UNK: variants seen among roughly 807,000 people sequenced by gnomAD.
UNK encodes the protein unk zinc finger, also known as RING finger protein unkempt homolog.
In UNK, 32 loss-of-function variants were observed where a neutral mutation model predicts 97.6. That is an observed-to-expected ratio of 0.33 (90% CI 0.25 to 0.44). The LOEUF is 0.44. UNK is among the 20% of genes least tolerant of loss of function. UNK has a pLI of 1.00. For synonymous variants in UNK, 441 were observed against 461.2 expected (o/e 0.96, Z 0.56); for missense variants, 771 against 1,098.4 (o/e 0.70, Z 4.21).
intron 1 of UNK, among the ~76,000 whole-genome samples, chr17:75,808,633 G>T (rs2061940407): frequency 6.6e-6 from 1 of 151,834 alleles, no homozygotes; most frequent in Non-Finnish European, 1.5e-5. Flanking sequence ...CCCTTTTTTG[G>T]ATTGACTTCT....
Position 75,818,255 on chromosome 17 carries a change from C to T in UNK, c.1371+87C>T. The T allele has an allele frequency of 6.9e-7, 1 of 1,459,226 alleles. No homozygotes were observed. The highest frequency in any genetic ancestry group is 1.4e-5 in the African/African-American group (1 of 71,414). 90.4% of individuals were successfully genotyped at this position (1,459,226 alleles called of 1,614,324 possible). ...GGAGGCTTCGGGGAGTGGGAGGCACCACTTTTCCCAAAAGCTGAGGGCAGG... is the reference window on the plus strand; with the variant it reads ...GGAGGCTTCGGGGAGTGGGAGGCACTACTTTTCCCAAAAGCTGAGGGCAGG... On this transcript the variant is annotated intron_variant, in intron 10 of 15. Transcript: ENST00000589666. The surrounding 1 kb of genome is among the most constrained non-coding windows in gnomAD (Gnocchi z 5.1).
intron 13 of UNK, 76 bp downstream of exon 13, chr17:75,820,184 A>G: frequency 6.9e-7 from 1 of 1,450,044 alleles, no homozygotes; most frequent in Non-Finnish European, 9.4e-7. Context: ...TGGCCACCCC[A>G]TCTACGGCAT....
At chr17:75,804,989 C>T (rs543317720) in intron 1 of UNK, among the ~76,000 whole-genome samples, 11 of 151,388 alleles carry the variant, frequency 7.3e-5, no homozygotes, top group South Asian at 4.2e-4. Context: ...GTCAGGAGAT[C>T]GAGACCACAG....
Position 75,805,809 on chromosome 17 carries a change from A to ATGTGTGTGT in UNK, c.105-3951_105-3950insTGTGTGTGT, listed in dbSNP as rs1567800919. Among the ~76,000 whole-genome samples, 761 of 96,482 alleles carry ATGTGTGTGT rather than the reference A, an allele frequency of 7.9e-3. 6 individuals carry two copies. The highest frequency in any genetic ancestry group is 0.045 in the African/African-American group (738 of 16,274). 63.3% of individuals were successfully genotyped at this position (96,482 alleles called of 152,430 possible). The stretch of plus-strand genomic sequence containing the variant: ...CGAGCCCCTGCCTTATAAAAAGAAA[A>ATGTGTGTGT]ATGTGTGTGTGTGTGTGTGTGTGTG... On this transcript the variant is annotated intron_variant, in intron 1 of 15. Coordinates refer to ENST00000589666, the MANE Select transcript of UNK (RefSeq NM_001080419.3).
At chr17:75,786,869 A>G (rs897417989) in intron 1 of UNK, among the ~76,000 whole-genome samples, 4 of 152,104 alleles carry the variant, frequency 2.6e-5, no homozygotes, top group African/African-American at 9.7e-5. Context: ...AAAAACAGAA[A>G]CAAAAACAAA....
chr17:75,818,231 G>C lies in UNK; in HGVS notation c.1371+63G>C. ...GGACAGGAGTGGCCCAGAACCCCAG[G>C]AGGCTTCGGGGAGTGGGAGGCACCA... On this transcript the variant is annotated intron_variant, in intron 10 of 15. Coordinates refer to ENST00000589666, the MANE Select transcript of UNK (RefSeq NM_001080419.3). The surrounding 1 kb of genome is among the most constrained non-coding windows in gnomAD (Gnocchi z 5.1). 2 of 1,581,768 alleles carry C rather than the reference G, an allele frequency of 1.3e-6. No homozygotes were observed. Among genetic ancestry groups the C allele is most frequent in the Non-Finnish European group, 8.7e-7 (1 of 1,156,008 alleles).
At position 75,813,745 on chromosome 17, in the gene UNK, C is replaced by T. The variant is rs901087661; in HGVS notation, c.759-16C>T. 3.2e-6 allele frequency: 5 copies of T among 1,561,286 alleles called. No homozygotes were observed. The highest frequency in any genetic ancestry group is 2.7e-5 in the African/African-American group (2 of 73,624). ...CTTCTCCTTTCTCCATCTGACCCCA[C>T]CCTCTTGTTGGCCAGGTCGTCTCCA... On this transcript the variant is annotated splice_polypyrimidine_tract_variant and intron_variant, in intron 5 of 15. Transcript: ENST00000589666.
At position 75,816,683 on chromosome 17, in the gene UNK, G is replaced by A; in HGVS notation, c.962-87G>A. ...CTTCCCTTTATGTGCAGGGGGATTT[G>A]TGGTCTCCTTTGGAAGGGACCCAGG... On this transcript the variant is annotated intron_variant, in intron 7 of 15. Transcript: ENST00000589666. The surrounding 1 kb of genome is among the most constrained non-coding windows in gnomAD (Gnocchi z 4.0). The A allele has an allele frequency of 6.9e-7, 1 of 1,454,310 alleles. No homozygotes were observed. Among genetic ancestry groups the A allele is most frequent in the Non-Finnish European group, 9.1e-7 (1 of 1,098,488 alleles). 90.1% of individuals were successfully genotyped at this position (1,454,310 alleles called of 1,614,324 possible).
rs2062037442 is a variant in UNK at position 75,818,562 on chromosome 17, C to T, written c.1372-80C>T. The T allele has an allele frequency of 5.4e-6, 8 of 1,480,136 alleles. No homozygotes were observed. Among genetic ancestry groups the T allele is most frequent in the Admixed American group, 2.1e-5 (1 of 46,718 alleles). 91.7% of individuals were successfully genotyped at this position (1,480,136 alleles called of 1,614,324 possible). A position where few individuals can be genotyped will look rare whatever the true frequency, so the allele number is the denominator to read the frequency against. On this transcript the variant is annotated intron_variant, in intron 10 of 15. Coordinates refer to ENST00000589666, the MANE Select transcript of UNK (RefSeq NM_001080419.3). The surrounding 1 kb of genome is among the most constrained non-coding windows in gnomAD (Gnocchi z 5.1). ...GCTAGCACGGGCCATTTCCCTTGCC[C>T]CCAGCCCCTCTCCAGCCTCTCGTCC...
chr17:75,818,302 C>A lies in UNK; in HGVS notation c.1371+134C>A. 2 of 1,019,240 alleles carry A rather than the reference C, an allele frequency of 2.0e-6. No homozygotes were observed. Among genetic ancestry groups the A allele is most frequent in the Non-Finnish European group, 1.4e-6 (1 of 691,478 alleles). The allele number at this position is 1,019,240 out of a possible 1,614,324, so 63.1% of individuals were successfully genotyped here. A position where few individuals can be genotyped will look rare whatever the true frequency, so the allele number is the denominator to read the frequency against. ...CAGGACTAAAGTGGGGTCCCAGCCA[C>A]AAATCCAGAGAGGGTAGGGGGTCAG... On this transcript the variant is annotated intron_variant, in intron 10 of 15. Coordinates refer to ENST00000589666, the MANE Select transcript of UNK (RefSeq NM_001080419.3). The surrounding 1 kb of genome is among the most constrained non-coding windows in gnomAD (Gnocchi z 5.1).
At chr17:75,787,701 T>C (rs2143660001) in intron 1 of UNK, among the ~76,000 whole-genome samples, 1 of 151,854 alleles carries the variant, frequency 6.6e-6, no homozygotes, top group African/African-American at 2.4e-5. Context: ...GGCACACACC[T>C]GCAGTCCCAG....
chr17:75,796,231 G>A (rs1292475358), intron 1 of UNK, among the ~76,000 whole-genome samples: 1 of 151,744 alleles, frequency 6.6e-6, no homozygotes, highest in African/African-American at 2.4e-5. Flanking sequence ...CTGCCAGAGA[G>A]AATATTCTAA....
At chr17:75,823,175 C>T (rs952652492) in intron 14 of UNK, 90 bp from the exon 15 acceptor site, 19 of 1,497,846 alleles carry the variant, frequency 1.3e-5, no homozygotes, top group East Asian at 2.3e-5. Context: ...CACCAGGCCT[C>T]GCAGCCAGAG....
intron 1 of UNK, among the ~76,000 whole-genome samples, chr17:75,799,904 AG>A (rs1193503591): frequency 6.6e-6 from 1 of 152,144 alleles, no homozygotes; most frequent in African/African-American, 2.4e-5. Flanking sequence ...GGATAGCTAG[AG>A]CCCAGGAGTT....
chr17:75,793,395 T>G, intron 1 of UNK: 1 of 984,310 alleles, frequency 1.0e-6, no homozygotes, highest in Non-Finnish European at 1.2e-6. Context: ...AACTTTTTAT[T>G]ATTTCTCTAT....
Position 75,819,242 on chromosome 17 carries a change from G to A in UNK, c.1546+426G>A, listed in dbSNP as rs1425964680. ...TCCTGTGGCAGGCACTGAGGAGACAGATGACAACATGCTGCTCCTGCCCTC... is the reference window on the plus strand; with the variant it reads ...TCCTGTGGCAGGCACTGAGGAGACAAATGACAACATGCTGCTCCTGCCCTC... On this transcript the variant is annotated intron_variant, in intron 11 of 15. Coordinates refer to ENST00000589666, the MANE Select transcript of UNK (RefSeq NM_001080419.3). This position sits in a 1 kb window ranked among gnomAD's most constrained non-coding sequence, Gnocchi z 5.4. 3 of 232,836 alleles carry A rather than the reference G, an allele frequency of 1.3e-5. No individual in the cohort carries two copies. In the East Asian group the frequency reaches 3.7e-4, roughly 28 times the overall value. 14.4% of individuals were successfully genotyped at this position (232,836 alleles called of 1,614,324 possible).
intron 1 of UNK, among the ~76,000 whole-genome samples, chr17:75,805,671 C>T (rs757831367): frequency 7.9e-5 from 12 of 151,404 alleles, no homozygotes; most frequent in East Asian, 7.9e-4. Flanking sequence ...TGGGGGCACG[C>T]GCCTATAGTC....
Position 75,819,811 on chromosome 17 carries a change from G to A in UNK, c.1648+26G>A. ...GTACTGGGTGTGGGTGGGCAGGGCA[G>A]CCTGGAGGACTCCTCGGGTTCCTGC... On this transcript the variant is annotated intron_variant, in intron 12 of 15. Transcript: ENST00000589666. The surrounding 1 kb of genome is among the most constrained non-coding windows in gnomAD (Gnocchi z 5.4). 1 of 1,613,090 alleles carries A rather than the reference G, an allele frequency of 6.2e-7. No homozygotes were observed. Among genetic ancestry groups the A allele is most frequent in the South Asian group, 1.1e-5 (1 of 91,064 alleles).
At position 75,822,495 on chromosome 17, in the gene UNK, G is replaced by C; in HGVS notation, c.1856G>C (p.Ser619Thr). The change falls in exon 14 of 16, where the codon AGC (serine) becomes ACC (threonine). Residue 619 changes from serine to threonine, a missense_variant. Coordinates refer to ENST00000589666, the MANE Select transcript of UNK (RefSeq NM_001080419.3). ...HGSLGLNGMNSSIWEHFASGS... is the reference protein window; with the variant it reads ...HGSLGLNGMNTSIWEHFASGS... ...GGGGCAGGTCTGAACGGGATGAACA[G>C]CAGCATCTGGGAGCATTTTGCCTCT... 6.2e-7 allele frequency: 1 copy of C among 1,613,070 alleles called. No individual in the cohort carries two copies. The highest frequency in any genetic ancestry group is 8.5e-7 in the Non-Finnish European group (1 of 1,179,548).
Sources: gnomAD v4.1 joint callset for allele counts (sites outside exome capture counted in the v4.1 genomes callset) on GRCh38, gnomAD v4.1.1 for gene constraint, Gnocchi (gnomAD v3.1) non-coding constraint, MANE v1.5 for transcripts, NCBI Gene and HGNC (gene_info 2026-07-23, HGNC 2026-07-21) for gene names.